The following HOMER1 variants were observed in gnomAD, a reference collection of about 807,000 sequenced individuals.
HOMER1 encodes the protein homer scaffold protein 1, also known as homer protein homolog 1.
Under a neutral mutation model 48.9 loss-of-function variants are expected in HOMER1, and 3 were observed. That is an observed-to-expected ratio of 0.06 (90% CI 0.03 to 0.16). HOMER1 has a LOEUF of 0.16. Ranked by LOEUF, HOMER1 falls within the 10% of genes least tolerant of loss-of-function variation. The probability of loss-of-function intolerance (pLI) is 1.00; values close to 1 mark genes in which losing one functional copy is unlikely to be tolerated. For synonymous variants in HOMER1, 134 were observed against 146.4 expected, an observed-to-expected ratio of 0.92 and a Z score of 0.61; for missense variants, 247 against 411.4, an observed-to-expected ratio of 0.60 and a Z score of 3.46.
At chr5:79,461,084 A>T (rs1375736632) in intron 1 of HOMER1, among the ~76,000 whole-genome samples, 1 of 152,190 alleles carries the variant, frequency 6.6e-6, no homozygotes, top group Non-Finnish European at 1.5e-5. Context: ...CCAGGCTGGC[A>T]TGCAGAGTTT....
chr5:79,512,439 G>A (rs145163636), intron 1 of HOMER1, among the ~76,000 whole-genome samples: 122 of 152,260 alleles, frequency 8.0e-4, no homozygotes, highest in African/African-American at 2.9e-3. Flanking sequence ...AAAGATAACC[G>A]TCAGCAAAAG....
chr5:79,511,621 CA>C (rs1752945969), intron 1 of HOMER1, among the ~76,000 whole-genome samples: 1 of 152,216 alleles, frequency 6.6e-6, no homozygotes, highest in Non-Finnish European at 1.5e-5. Flanking sequence ...TATATATTCT[CA>C]TCACTTGTCA....
intron 1 of HOMER1, among the ~76,000 whole-genome samples, chr5:79,463,090 A>C (rs1751360331): frequency 6.6e-6 from 1 of 152,298 alleles, no homozygotes; most frequent in Non-Finnish European, 1.5e-5. Flanking sequence ...GGCTGGTAAT[A>C]TTTTCCACTG....
At chr5:79,463,196 CAT>C (rs1751362878) in intron 1 of HOMER1, among the ~76,000 whole-genome samples, 1 of 152,200 alleles carries the variant, frequency 6.6e-6, no homozygotes, top group South Asian at 2.1e-4. Context: ...TACCCTCTTC[CAT>C]ATGACTGTGA....
At chr5:79,391,602 C>T (rs560057084) in intron 8 of HOMER1, among the ~76,000 whole-genome samples, 140 of 151,372 alleles carry the variant, frequency 9.2e-4, no homozygotes, top group Non-Finnish European at 1.8e-3. Flanking sequence ...AAAAATTAGC[C>T]GGGCGTGGTG....
At chr5:79,401,862 A>G in intron 6 of HOMER1, 37 bp downstream of exon 6, 1 of 1,595,546 alleles carries the variant, frequency 6.3e-7, no homozygotes, top group Non-Finnish European at 8.5e-7. Flanking sequence ...AAAACCTGTT[A>G]GCCCTAAATC....
At chr5:79,407,274 T>C (rs1164707745) in intron 5 of HOMER1, among the ~76,000 whole-genome samples, 1 of 151,048 alleles carries the variant, frequency 6.6e-6, no homozygotes, top group Non-Finnish European at 1.5e-5. Context: ...ACACAATGTT[T>C]AGCATTCAAT....
chr5:79,387,103 C>A (rs1749138606), intron 8 of HOMER1, among the ~76,000 whole-genome samples: 1 of 142,764 alleles, frequency 7.0e-6, no homozygotes, highest in Non-Finnish European at 1.5e-5. Flanking sequence ...CTCTCTCTTT[C>A]TTTCACAAGG....
At chr5:79,445,038 T>TA (rs796448240) in intron 4 of HOMER1, among the ~76,000 whole-genome samples, 56 of 149,800 alleles carry the variant, frequency 3.7e-4, no homozygotes, top group East Asian at 7.8e-4. Context: ...TTATTCTTAT[T>TA]AAAAAAAAAA....
rs577322716 is a variant in HOMER1, at chr5:79,392,493, G to A, written c.876+4330C>T. ...AAAGGTTACAGACTAAGGATATAAA[G>A]AAAATAGTTTTCTACAGCTGAATAC... On this transcript the variant is annotated intron_variant, in intron 8 of 8. Transcript: ENST00000334082. Among the ~76,000 whole-genome samples the A allele has an allele frequency of 1.1e-4, 16 of 152,228 alleles. No individual in the cohort carries two copies. The South Asian group carries it at 2.1e-3, about 20-fold the overall frequency.
At chr5:79,462,256 A>G (rs1454904260) in intron 1 of HOMER1, among the ~76,000 whole-genome samples, 1 of 152,210 alleles carries the variant, frequency 6.6e-6, no homozygotes, top group Non-Finnish European at 1.5e-5. Context: ...ATCATAGAGC[A>G]CTATCTATTC....
chr5:79,376,011 A>G lies in HOMER1; in HGVS notation c.1063T>C (p.Ter355GlnextTer3). The G allele has an allele frequency of 1.9e-6, 3 of 1,597,830 alleles. No individual in the cohort carries two copies. The highest frequency in any genetic ancestry group is 2.6e-6 in the Non-Finnish European group (3 of 1,172,362). The part of the protein sequence containing the change: ...DNLAKLLECS[*>Q] Reference sequence around the variant, plus strand: ...TTGGCACTGAAATTTCACTTTCCTTAGCTGCATTCTAGTAGCTTGGCCAAG... The same window carrying G: ...TTGGCACTGAAATTTCACTTTCCTTGGCTGCATTCTAGTAGCTTGGCCAAG... Residue 355 changes from the stop codon to glutamine, a stop_lost, in exon 9 of 9, where the codon TAA becomes CAA. Coordinates refer to ENST00000334082, the MANE Select transcript of HOMER1 (RefSeq NM_004272.5).
intron 8 of HOMER1, among the ~76,000 whole-genome samples, chr5:79,389,302 G>C (rs1374299792): frequency 2.0e-5 from 3 of 152,096 alleles, no homozygotes; most frequent in African/African-American, 7.2e-5. Flanking sequence ...CAAGATCTCA[G>C]AAAGTATGTA....
chr5:79,380,918 A>G (rs1298069768), intron 8 of HOMER1, among the ~76,000 whole-genome samples: 1 of 151,920 alleles, frequency 6.6e-6, no homozygotes, highest in African/African-American at 2.4e-5. Context: ...CATGCACTGC[A>G]CGGGACACAG....
At chr5:79,499,366 A>C (rs1752512107) in intron 1 of HOMER1, among the ~76,000 whole-genome samples, 1 of 152,222 alleles carries the variant, frequency 6.6e-6, no homozygotes, top group African/African-American at 2.4e-5. Flanking sequence ...CACATGTAAT[A>C]AATCATTTAT....
At chr5:79,410,521 G>C (rs1394719562) in intron 5 of HOMER1, among the ~76,000 whole-genome samples, 1 of 146,220 alleles carries the variant, frequency 6.8e-6, no homozygotes, top group Non-Finnish European at 1.5e-5. Flanking sequence ...AAAAGAAATA[G>C]AATTTAGGAA....
chr5:79,459,146 T>G (rs548527081), intron 1 of HOMER1, among the ~76,000 whole-genome samples: 8 of 152,006 alleles, frequency 5.3e-5, no homozygotes, highest in Non-Finnish European at 1.0e-4. Context: ...GTTTCCTAAA[T>G]TCACCTAAAT....
At chr5:79,380,472 C>T (rs761588286) in intron 8 of HOMER1, among the ~76,000 whole-genome samples, 26 of 152,174 alleles carry the variant, frequency 1.7e-4, no homozygotes, top group Admixed American at 4.6e-4. Flanking sequence ...TGAGTGCCAT[C>T]GAGGCACAGG....
chr5:79,383,647 G>A (rs1327943784), intron 8 of HOMER1, among the ~76,000 whole-genome samples: 5 of 152,146 alleles, frequency 3.3e-5, no homozygotes, highest in Admixed American at 2.6e-4. Context: ...GCCTCTCAAA[G>A]TGCTGGGATT....
Sources: gnomAD v4.1 joint callset for allele counts (sites outside exome capture counted in the v4.1 genomes callset) on GRCh38, gnomAD v4.1.1 for gene constraint, MANE v1.5 for transcripts, NCBI Gene and HGNC (gene_info 2026-07-23, HGNC 2026-07-21) for gene names.